Variants in JPH3 observed in about 807,000 individuals in gnomAD.
JPH3 encodes the protein junctophilin-3.
JPH3 carries 11 observed loss-of-function variants against 59.6 expected under a neutral mutation model. The ratio of observed to expected loss-of-function variants is 0.18; its 90% confidence interval spans 0.12 to 0.31. The LOEUF is 0.31. Ranked by LOEUF, JPH3 falls within the 10% of genes least tolerant of loss-of-function variation. JPH3 has a pLI of 1.00. For missense variants in JPH3, 1,202 were observed against 1,105.7 expected (o/e 1.09, Z -1.24); for synonymous variants, 673 against 483.6 (o/e 1.39, Z -5.14).
intron 3 of JPH3, among the ~76,000 whole-genome samples, chr16:87,686,551 C>T (rs572095843): frequency 8.1e-4 from 121 of 150,100 alleles, no homozygotes; most frequent in African/African-American, 2.9e-3. Flanking sequence ...GTCAGAGATG[C>T]TTCCTCGAGG....
At chr16:87,672,411 G>A (rs1185490908) in intron 2 of JPH3, among the ~76,000 whole-genome samples, 1 of 152,218 alleles carries the variant, frequency 6.6e-6, no homozygotes, top group Non-Finnish European at 1.5e-5. Flanking sequence ...CCCTTGGCAG[G>A]GGTTCCGTCC....
At chr16:87,651,209 G>T (rs2032315906) in intron 2 of JPH3, among the ~76,000 whole-genome samples, 1 of 152,202 alleles carries the variant, frequency 6.6e-6, no homozygotes, top group South Asian at 2.1e-4. Flanking sequence ...TAAGCCCAGT[G>T]TTGTGATCTA....
rs2030735008 is a variant in JPH3, at chr16:87,611,612, T to C, written c.382+8084T>C. Among the ~76,000 whole-genome samples the C allele has an allele frequency of 6.6e-6, 1 of 151,920 alleles. No individual in the cohort carries two copies. Reference sequence around the variant, plus strand: ...CGCTCTCTCTGCTGCTGGTGGAGTCTGAGTTGGGCAGGACATGGGCCCGCC... The same window carrying C: ...CGCTCTCTCTGCTGCTGGTGGAGTCCGAGTTGGGCAGGACATGGGCCCGCC... On this transcript the variant is annotated intron_variant, in intron 1 of 4. Transcript: ENST00000284262. The surrounding 1 kb of genome is among the most constrained non-coding windows in gnomAD (Gnocchi z 4.5).
In JPH3 at chr16:87,645,058, G is replaced by A. The variant is rs752534323; in HGVS notation, c.1160+23G>A. 10 of 1,581,644 alleles carry A rather than the reference G, an allele frequency of 6.3e-6. No homozygotes were observed. The Admixed American group carries it at 1.0e-4, about 16-fold the overall frequency. The stretch of plus-strand genomic sequence containing the variant: ...CAGGTAGGAGGGCGAGGGGGCGGGG[G>A]GCCCTTCTTGGTGCCCAGAAGGTGT... On this transcript the variant is annotated intron_variant, in intron 2 of 4. Coordinates refer to ENST00000284262, the MANE Select transcript of JPH3 (RefSeq NM_020655.4).
At position 87,689,815 on chromosome 16, in the gene JPH3, G is replaced by A. The variant is rs1243684448; in HGVS notation, c.1455G>A (p.Ala485=). The A allele has an allele frequency of 3.8e-6, 6 of 1,577,690 alleles. No individual in the cohort carries two copies. The highest frequency in any genetic ancestry group is 3.6e-5 in the Admixed American group (2 of 56,016). ...SPLQSFPTSP[A]ATPPPAPAAR... Reference sequence around the variant, plus strand: ...TGCAGAGCTTCCCCACCAGCCCCGCGGCCACCCCGCCGCCCGCGCCCGCCG... The same window carrying A: ...TGCAGAGCTTCCCCACCAGCCCCGCAGCCACCCCGCCGCCCGCGCCCGCCG... Residue 485 remains alanine (A), a synonymous_variant, in exon 4 of 5, where the codon GCG becomes GCA. Coordinates refer to ENST00000284262, the MANE Select transcript of JPH3 (RefSeq NM_020655.4).
chr16:87,695,269 C>T (rs899257736), intron 4 of JPH3: 15 of 455,516 alleles, frequency 3.3e-5, no homozygotes, highest in Admixed American at 2.6e-4. Context: ...CCCATCATGT[C>T]TTTGAAATTT....
intron 1 of JPH3, among the ~76,000 whole-genome samples, chr16:87,613,033 A>C (rs1416299458): frequency 1.3e-5 from 2 of 151,948 alleles, no homozygotes; most frequent in African/African-American, 4.8e-5. Context: ...CTCAAAAAAA[A>C]TAAAGTAAAA....
chr16:87,610,389 G>A (rs1056310777), intron 1 of JPH3, among the ~76,000 whole-genome samples: 2 of 152,184 alleles, frequency 1.3e-5, no homozygotes, highest in Non-Finnish European at 2.9e-5. Flanking sequence ...TGGGCAGGCA[G>A]CACTGGTCTG....
At chr16:87,667,138 T>G (rs1296303932) in intron 2 of JPH3, among the ~76,000 whole-genome samples, 3 of 152,180 alleles carry the variant, frequency 2.0e-5, no homozygotes. Flanking sequence ...GCCACGTCAC[T>G]TGTTGCTGCT....
At chr16:87,669,451 G>A (rs751758733) in intron 2 of JPH3, among the ~76,000 whole-genome samples, 3 of 152,226 alleles carry the variant, frequency 2.0e-5, no homozygotes, top group East Asian at 1.9e-4. Flanking sequence ...CTGGGGTTCC[G>A]TCCCCTCTGG....
At chr16:87,619,171 G>C (rs2031080032) in intron 1 of JPH3, among the ~76,000 whole-genome samples, 1 of 151,940 alleles carries the variant, frequency 6.6e-6, no homozygotes, top group Non-Finnish European at 1.5e-5. Flanking sequence ...CAAAAAATTA[G>C]CTGGGCATGG....
rs745661464 is a variant in JPH3 at position 87,603,419 on chromosome 16, C to G, written c.273C>G (p.Phe91Leu). Residue 91 changes from phenylalanine (F) to leucine (L), a missense_variant, in exon 1 of 5, where the codon TTC becomes TTG. By Grantham distance (22) the Phe-to-Leu change is conservative (BLOSUM62 0). Transcript: ENST00000284262. ...WVYKGEWTHG[F>L]KGRYGVRECA... ...ACAAGGGCGAGTGGACGCACGGATT[C>G]AAGGGGCGCTACGGGGTGCGGGAGT... 6.3e-7 allele frequency: 1 copy of G among 1,584,488 alleles called. No homozygotes were observed. Among genetic ancestry groups the G allele is most frequent in the African/African-American group, 1.3e-5 (1 of 74,198 alleles).
Position 87,628,644 on chromosome 16 carries a change from A to G in JPH3, c.383-15614A>G, listed in dbSNP as rs115799439. Reference sequence around the variant, plus strand: ...CGGTGTTGGCATCTGTAAAATGGGCACAATAACATGCTAATGTCTCCCTCG... The same window carrying G: ...CGGTGTTGGCATCTGTAAAATGGGCGCAATAACATGCTAATGTCTCCCTCG... On this transcript the variant is annotated intron_variant, in intron 1 of 4. Transcript: ENST00000284262. Among the ~76,000 whole-genome samples the G allele has an allele frequency of 4.4e-3, 669 of 152,304 alleles. 4 individuals carry two copies. Among genetic ancestry groups the G allele is most frequent in the African/African-American group, 0.015 (640 of 41,574 alleles).
chr16:87,647,729 T>C (rs575660683), intron 2 of JPH3, among the ~76,000 whole-genome samples: 1 of 152,310 alleles, frequency 6.6e-6, no homozygotes, highest in East Asian at 1.9e-4. Context: ...TCCTCACCGC[T>C]GTGCACAGCC....
At chr16:87,680,523 T>G (rs1477869884) in intron 2 of JPH3, among the ~76,000 whole-genome samples, 2 of 152,220 alleles carry the variant, frequency 1.3e-5, no homozygotes, top group African/African-American at 4.8e-5. Context: ...ATCGCGACCT[T>G]TTCCTCCAGG....
intron 2 of JPH3, among the ~76,000 whole-genome samples, chr16:87,658,905 C>G (rs1285845310): frequency 6.6e-6 from 1 of 152,214 alleles, no homozygotes; most frequent in Non-Finnish European, 1.5e-5. Flanking sequence ...AATTATTTGC[C>G]CAGCAGGGCA....
chr16:87,644,757 C>T lies in JPH3; in HGVS notation c.882C>T (p.Asn294=), dbSNP rs113233906. 1.9e-4 allele frequency: 305 copies of T among 1,613,236 alleles called. No homozygotes were observed. Among genetic ancestry groups the T allele is most frequent in the East Asian group, 6.7e-4 (30 of 44,826 alleles). Residue 294 remains asparagine (N), a synonymous_variant, in exon 2 of 5, where the codon AAC becomes AAT. Transcript: ENST00000284262. Reference sequence around the variant, plus strand: ...AGACCTACGTGGGCGAGTGGAAGAACGACAAACGCTCCGGCTTCGGCGTGA... The same window carrying T: ...AGACCTACGTGGGCGAGTGGAAGAATGACAAACGCTCCGGCTTCGGCGTGA... ...TTETYVGEWK[N]DKRSGFGVSQ...
At chr16:87,687,270 A>T (rs1350235671) in intron 3 of JPH3, among the ~76,000 whole-genome samples, 2 of 152,156 alleles carry the variant, frequency 1.3e-5, no homozygotes, top group African/African-American at 4.8e-5. Flanking sequence ...CAGAGCCTCC[A>T]AGAGGGGAAC....
Position 87,644,520 on chromosome 16 carries a change from T to G in JPH3, c.645T>G (p.Phe215Leu). The change falls in exon 2 of 5, where the codon TTT (phenylalanine) becomes TTG (leucine). Residue 215 changes from phenylalanine (F) to leucine (L), a missense_variant. Transcript: ENST00000284262. Reference sequence around the variant, plus strand: ...TCAAGAGCAAGAAGAAGGGGCTGTTTCGGCGCTCGCTGCTGAGTGGGCTGA... The same window carrying G: ...TCAAGAGCAAGAAGAAGGGGCTGTTGCGGCGCTCGCTGCTGAGTGGGCTGA... The part of the protein sequence containing the change: ...EILKSKKKGL[F>L]RRSLLSGLKL... The G allele has an allele frequency of 1.9e-6, 3 of 1,612,800 alleles. No homozygotes were observed. Among genetic ancestry groups the G allele is most frequent in the African/African-American group, 1.3e-5 (1 of 75,026 alleles).
Sources: allele counts gnomAD v4.1 joint callset (sites outside exome capture counted in the v4.1 genomes callset), GRCh38; gene constraint gnomAD v4.1.1; non-coding constraint Gnocchi (gnomAD v3.1); transcripts MANE v1.5; gene names NCBI Gene and HGNC (gene_info 2026-07-23, HGNC 2026-07-21).